The following COG4 variants were observed in gnomAD, a reference collection of about 807,000 sequenced individuals.
COG4 encodes component of oligomeric golgi complex 4.
A neutral mutation model predicts 95.1 loss-of-function variants in COG4; 65 were observed. The ratio of observed to expected loss-of-function variants is 0.68; its 90% CI spans 0.56 to 0.84. The LOEUF is 0.84. COG4 is among the 40% of genes least tolerant of loss of function. COG4 has a pLI of 0.00. For synonymous variants in COG4, 421 were observed against 374.8 expected, an observed-to-expected ratio of 1.12 and a Z score of -1.42; for missense variants, 1,045 against 989.1, an observed-to-expected ratio of 1.06 and a Z score of -0.76.
At chr16:70,522,589 C>A (rs1473256957) in intron 1 of COG4, among the ~76,000 whole-genome samples, 4 of 152,210 alleles carry the variant, frequency 2.6e-5, no homozygotes, top group Admixed American at 2.6e-4. Flanking sequence ...GCTGAAACTG[C>A]CTTTTGTGCT....
intron 1 of COG4, among the ~76,000 whole-genome samples, chr16:70,522,875 C>A (rs1445379854): frequency 6.6e-6 from 1 of 152,172 alleles, no homozygotes; most frequent in Non-Finnish European, 1.5e-5. Flanking sequence ...TAAACCTCTA[C>A]AAAGATGTGC....
intron 18 of COG4, 45 bp downstream of exon 18, chr16:70,481,314 C>T: frequency 6.2e-7 from 1 of 1,609,556 alleles, no homozygotes; most frequent in African/African-American, 1.3e-5. Context: ...ATCTTTGCCT[C>T]TTTCAGTCAC....
intron 18 of COG4, 98 bp from the exon 19 acceptor site, chr16:70,481,242 G>A: frequency 6.2e-7 from 1 of 1,607,510 alleles, no homozygotes; most frequent in Middle Eastern, 1.7e-4. Flanking sequence ...CCCGGGAAGG[G>A]GAAGGTGTCC....
At chr16:70,491,859 C>G (rs1490945864) in intron 12 of COG4, among the ~76,000 whole-genome samples, 6 of 147,978 alleles carry the variant, frequency 4.1e-5, no homozygotes, top group Non-Finnish European at 8.9e-5. Flanking sequence ...TAAAATGATT[C>G]ACGAAGGTCT....
Position 70,497,342 on chromosome 16 carries a change from T to G in COG4, c.1360A>C (p.Met454Leu), listed in dbSNP as rs983554230. ...TYEKGQLTSS[M>L]VDDVFYIVKK... ...ACAATGTAGAAGACATCATCCACCA[T>G]GCTGGATGTCAGCTGGCCCTTCTCA... Residue 454 changes from methionine (M) to leucine (L), a missense_variant, in exon 11 of 19, where the codon ATG becomes CTG. Coordinates refer to ENST00000323786, the MANE Select transcript of COG4 (RefSeq NM_015386.3). 1 of 1,613,910 alleles carries G rather than the reference T, an allele frequency of 6.2e-7. No individual in the cohort carries two copies. The highest frequency in any genetic ancestry group is 8.5e-7 in the Non-Finnish European group (1 of 1,180,022).
chr16:70,507,712 A>T (rs1245828960), intron 8 of COG4, among the ~76,000 whole-genome samples: 2 of 151,752 alleles, frequency 1.3e-5, no homozygotes, highest in Non-Finnish European at 2.9e-5. Flanking sequence ...ATTATAAAAA[A>T]TTAGCTGGGA....
chr16:70,509,548 G>A (rs535233460), intron 6 of COG4, among the ~76,000 whole-genome samples, 160 bp from the exon 7 acceptor site: 1 of 152,160 alleles, frequency 6.6e-6, no homozygotes, highest in Non-Finnish European at 1.5e-5. Context: ...GGGTTGCTAG[G>A]CAAATATGTT....
intron 1 of COG4, among the ~76,000 whole-genome samples, chr16:70,520,792 G>T (rs968590941): frequency 2.0e-5 from 3 of 152,026 alleles, no homozygotes; most frequent in Non-Finnish European, 2.9e-5. Flanking sequence ...GCCATTTATT[G>T]TGCAACCTCA....
At chr16:70,495,861 A>G (rs2151748387) in intron 12 of COG4, among the ~76,000 whole-genome samples, 1 of 152,370 alleles carries the variant, frequency 6.6e-6, no homozygotes, top group East Asian at 1.9e-4. Flanking sequence ...CAGAGCAGTG[A>G]TGGCAGGCCC....
Position 70,496,354 on chromosome 16 carries a change from G to A in COG4, c.1559C>T (p.Ala520Val). 2 of 1,614,150 alleles carry A rather than the reference G, an allele frequency of 1.2e-6. No individual in the cohort carries two copies. Among genetic ancestry groups the A allele is most frequent in the Non-Finnish European group, 1.7e-6 (2 of 1,180,030 alleles). ...FQDIQRGVTS[A>V]VNIMHSSLQQ... is the part of the protein sequence containing the mutation. ...GAGGCTGCTGTGCATGATGTTCACG[G>A]CACTTGTCACCCCGCGCTGGATGTC... Residue 520 changes from alanine to valine, a missense_variant, in exon 12 of 19, where the codon GCC becomes GTC. Ala to Val is a moderately conservative substitution (Grantham distance 64). Transcript: ENST00000323786.
chr16:70,507,735 G>A (rs955442469), intron 8 of COG4, among the ~76,000 whole-genome samples: 3 of 151,460 alleles, frequency 2.0e-5, no homozygotes, highest in Non-Finnish European at 4.4e-5. Context: ...GGTGGTGCAC[G>A]CCTGTAGTTC....
intron 3 of COG4, among the ~76,000 whole-genome samples, chr16:70,515,081 T>C (rs2049795119): frequency 6.6e-6 from 1 of 150,844 alleles, no homozygotes; most frequent in African/African-American, 2.5e-5. Context: ...AGTGGTGCAA[T>C]CTTGGCTCAC....
At chr16:70,500,369 T>C (rs956091123) in intron 9 of COG4, among the ~76,000 whole-genome samples, 1 of 140,514 alleles carries the variant, frequency 7.1e-6, no homozygotes, top group Admixed American at 7.0e-5. Flanking sequence ...TATACTCTTT[T>C]TTTTTTTTTT....
Position 70,480,713 on chromosome 16 carries a change from A to G in COG4, c.*297T>C, listed in dbSNP as rs147346121. 100 of 454,392 alleles carry G rather than the reference A, an allele frequency of 2.2e-4. No individual in the cohort carries two copies. The East Asian group carries it at 4.0e-3, about 18-fold the overall frequency. The allele number at this position is 454,392 out of a possible 1,614,324, so 28.1% of individuals were successfully genotyped here. ...GTTTGCTGTAGTGTTTGAGGGCAAG[A>G]GACTGACCATCCATGCAGAAAGCTG... On this transcript the variant is annotated 3_prime_UTR_variant, in exon 19 of 19. Transcript: ENST00000323786.
In COG4 at chr16:70,519,498, A is replaced by G. The variant is rs1597693936; in HGVS notation, c.254+151T>C. The G allele has an allele frequency of 7.2e-6, 5 of 689,722 alleles. No individual in the cohort carries two copies. In the East Asian group the frequency reaches 1.3e-4, roughly 19 times the overall value. 42.7% of individuals were successfully genotyped at this position (689,722 alleles called of 1,614,324 possible). On this transcript the variant is annotated intron_variant, in intron 2 of 18. Coordinates refer to ENST00000323786, the MANE Select transcript of COG4 (RefSeq NM_015386.3). ...AGGACTGTTTGAAAACCATCAAACT[A>G]ATACCCTTAGGTGTTCACTTTATCT...
intron 12 of COG4, among the ~76,000 whole-genome samples, chr16:70,495,756 G>T (rs927646846): frequency 3.9e-5 from 6 of 152,216 alleles, no homozygotes; most frequent in African/African-American, 1.2e-4. Context: ...ACAATGGAAG[G>T]CTTGCTGCTT....
At chr16:70,490,257 A>T (rs1250034870) in intron 13 of COG4, 73 bp downstream of exon 13, 5 of 1,210,112 alleles carry the variant, frequency 4.1e-6, no homozygotes, top group Non-Finnish European at 6.1e-6. Flanking sequence ...CTTCACCATG[A>T]TGTTTGTATA....
intron 12 of COG4, among the ~76,000 whole-genome samples, chr16:70,494,578 T>C (rs2049303501): frequency 6.6e-6 from 1 of 152,182 alleles, no homozygotes; most frequent in African/African-American, 2.4e-5. Flanking sequence ...AGAGCGAATA[T>C]GCACTGGCCG....
intron 13 of COG4, among the ~76,000 whole-genome samples, chr16:70,487,415 G>GCT (rs2049161103): frequency 1.3e-5 from 2 of 151,968 alleles, no homozygotes; most frequent in Non-Finnish European, 2.9e-5. Context: ...TGGCCAACAT[G>GCT]GCAAAACCCC....
Sources: allele counts gnomAD v4.1 joint callset (sites outside exome capture counted in the v4.1 genomes callset), GRCh38; gene constraint gnomAD v4.1.1; transcripts MANE v1.5; gene names NCBI Gene and HGNC (gene_info 2026-07-23, HGNC 2026-07-21).